The following TPPP variants were observed in gnomAD, a reference collection of about 807,000 sequenced individuals.
TPPP encodes the protein tubulin polymerization-promoting protein.
TPPP carries 6 observed loss-of-function variants against 15.5 expected under a neutral mutation model. The observed-to-expected ratio is 0.39, with a 90% CI of 0.21 to 0.77. The LOEUF (loss-of-function observed/expected upper bound fraction) is 0.77. TPPP is among the 30% of genes least tolerant of loss of function. TPPP has a pLI of 0.42. For synonymous variants in TPPP, 146 were observed against 133.9 expected, an observed-to-expected ratio of 1.09 and a Z score of -0.63; for missense variants, 269 against 307.2, an observed-to-expected ratio of 0.88 and a Z score of 0.93.
At chr5:677,111 G>A (rs542617290) in intron 2 of TPPP, among the ~76,000 whole-genome samples, 9 of 152,372 alleles carry the variant, frequency 5.9e-5, no homozygotes, top group Non-Finnish European at 1.0e-4. Context: ...GGCACGATGC[G>A]GTTTCAAGGT....
At chr5:678,444 C>T (rs1307362935) in intron 1 of TPPP, among the ~76,000 whole-genome samples, 12 of 144,232 alleles carry the variant, frequency 8.3e-5, no homozygotes, top group African/African-American at 2.9e-4. Context: ...GTCCCCTCCC[C>T]GCCGCAGTTC....
chr5:663,916 G>A lies in TPPP; in HGVS notation c.*1186C>T, dbSNP rs980439663. 1 of 152,604 alleles carries A rather than the reference G, an allele frequency of 6.6e-6. No individual in the cohort carries two copies. The highest frequency in any genetic ancestry group is 2.4e-5 in the African/African-American group (1 of 41,484). 9.5% of individuals were successfully genotyped at this position (152,604 alleles called of 1,614,324 possible). On this transcript the variant is annotated 3_prime_UTR_variant, in exon 4 of 4. Coordinates refer to ENST00000360578, the MANE Select transcript of TPPP (RefSeq NM_007030.3). Reference sequence around the variant, plus strand: ...TGGCCACACCCGTCAGCCTCCCCAGGAGGGAGCAGGAGCGCCGGCTTCTCC... The same window carrying A: ...TGGCCACACCCGTCAGCCTCCCCAGAAGGGAGCAGGAGCGCCGGCTTCTCC...
intron 2 of TPPP, among the ~76,000 whole-genome samples, chr5:672,424 C>A (rs1048700264): frequency 6.6e-6 from 1 of 152,272 alleles, no homozygotes; most frequent in African/African-American, 2.4e-5. Context: ...ATACACCACA[C>A]CCAGCACACA....
At chr5:696,524 G>T (rs1338355831), upstream of TPPP, among the ~76,000 whole-genome samples, 4 of 145,256 alleles carry the variant, frequency 2.8e-5, no homozygotes, top group African/African-American at 9.8e-5. Context: ...GGCCCCTTGA[G>T]AACCCTAACC....
At chr5:668,562 G>A (rs951369504) in intron 2 of TPPP, among the ~76,000 whole-genome samples, 12 of 152,224 alleles carry the variant, frequency 7.9e-5, no homozygotes, top group Non-Finnish European at 1.0e-4. Context: ...TAAACTGCCG[G>A]CACCTCGAGC....
intron 1 of TPPP, among the ~76,000 whole-genome samples, chr5:683,815 T>C (rs1295675955): frequency 6.6e-6 from 1 of 152,286 alleles, no homozygotes; most frequent in Admixed American, 6.5e-5. Context: ...TGGGAGTGCA[T>C]GCTGGGCAAC....
chr5:681,358 C>T (rs985731113), intron 1 of TPPP, among the ~76,000 whole-genome samples: 5 of 152,138 alleles, frequency 3.3e-5, no homozygotes, highest in Admixed American at 2.0e-4. Flanking sequence ...CCACCATCTC[C>T]ACGCGTGTGC....
chr5:665,059 T>C lies in TPPP; in HGVS notation c.*43A>G. ...ATGAAGTGCGAGGTGACAGAGTCCC[T>C]GCTCTGGGGACACCGGCAGTGCCGC... On this transcript the variant is annotated 3_prime_UTR_variant, in exon 4 of 4. Coordinates refer to ENST00000360578, the MANE Select transcript of TPPP (RefSeq NM_007030.3). 1 of 1,580,932 alleles carries C rather than the reference T, an allele frequency of 6.3e-7. No individual in the cohort carries two copies. Among genetic ancestry groups the C allele is most frequent in the Non-Finnish European group, 8.6e-7 (1 of 1,165,914 alleles).
At chr5:676,874 ACATGCACACACGACGCAGAAACG>A (rs1199865583) in intron 2 of TPPP, among the ~76,000 whole-genome samples, 26 of 147,280 alleles carry the variant, frequency 1.8e-4, no homozygotes, top group African/African-American at 4.5e-4. Flanking sequence ...CGACGCAGAA[ACATGCACACACGACGCAGAAACG>A]CGCACGCGCG....
upstream of TPPP, among the ~76,000 whole-genome samples, chr5:696,906 G>A (rs569075068): frequency 1.9e-4 from 29 of 150,342 alleles, no homozygotes; most frequent in South Asian, 3.0e-3. Flanking sequence ...GTGTGTCTGC[G>A]TGTGCCTGTG....
At chr5:679,298 C>G (rs1248160367) in intron 1 of TPPP, among the ~76,000 whole-genome samples, 1 of 151,970 alleles carries the variant, frequency 6.6e-6, no homozygotes, top group Non-Finnish European at 1.5e-5. Context: ...GGGCCTCAGG[C>G]CCCACCCACT....
At chr5:671,207 A>G (rs1385423866) in intron 2 of TPPP, among the ~76,000 whole-genome samples, 1 of 138,700 alleles carries the variant, frequency 7.2e-6, no homozygotes, top group Non-Finnish European at 1.5e-5. Flanking sequence ...CTTGCTGCTA[A>G]TTAATTTTGC....
chr5:671,956 C>T (rs1740238756), intron 2 of TPPP, among the ~76,000 whole-genome samples: 1 of 152,216 alleles, frequency 6.6e-6, no homozygotes, highest in South Asian at 2.1e-4. Flanking sequence ...TGGCCCCTTC[C>T]AGGGAAGCTG....
intron 2 of TPPP, among the ~76,000 whole-genome samples, chr5:673,620 C>T (rs1461886767): frequency 6.6e-6 from 1 of 152,216 alleles, no homozygotes; most frequent in Non-Finnish European, 1.5e-5. Flanking sequence ...AGCCTCAACC[C>T]CTCGCTGGGC....
At chr5:672,346 C>G (rs1022243805) in intron 2 of TPPP, among the ~76,000 whole-genome samples, 7 of 152,252 alleles carry the variant, frequency 4.6e-5, no homozygotes, top group Non-Finnish European at 8.8e-5. Context: ...GTCTAACCCC[C>G]AAGCCAAGCC....
intron 1 of TPPP, among the ~76,000 whole-genome samples, chr5:678,914 G>C (rs1237901670): frequency 6.6e-6 from 1 of 152,144 alleles, no homozygotes; most frequent in Non-Finnish European, 1.5e-5. Context: ...TACCATGCAT[G>C]GGCTTCGGTA....
At chr5:692,439 T>A (rs1173925526) in intron 1 of TPPP, 47 of 163,196 alleles carry the variant, frequency 2.9e-4, no homozygotes, top group Non-Finnish European at 3.4e-4. Context: ...CGTATCAAAA[T>A]AGCAGCCTCC....
upstream of TPPP, among the ~76,000 whole-genome samples, chr5:697,601 G>A (rs1358974993): frequency 1.3e-5 from 2 of 152,008 alleles, no homozygotes. Context: ...AATGAGCTCT[G>A]TAAAGCCGAG....
rs200309795 is a variant in TPPP, at chr5:673,158, G to GCAACT, written c.311+4587_311+4591dup. ...CCCCTCCCCAAAATGCAAAACAAAA[G>GCAACT]CAACTCCCACAGGCCCGCCGCCACC... is the stretch of plus-strand genomic sequence containing the variant. On this transcript the variant is annotated intron_variant, in intron 2 of 3. Transcript: ENST00000360578. 2.0e-3 allele frequency among the ~76,000 whole-genome samples: 304 copies of GCAACT among 149,354 alleles called. 1 individual carries two copies. Among genetic ancestry groups the GCAACT allele is most frequent in the African/African-American group, 7.6e-3 (295 of 39,024 alleles).
Sources: gnomAD v4.1 joint callset for allele counts (sites outside exome capture counted in the v4.1 genomes callset) on GRCh38, gnomAD v4.1.1 for gene constraint, MANE v1.5 for transcripts, NCBI Gene and HGNC (gene_info 2026-07-23, HGNC 2026-07-21) for gene names.